Variants in GPHN observed in about 807,000 individuals in gnomAD.
The protein encoded by GPHN is gephyrin.
GPHN carries 17 observed loss-of-function variants against 95.5 expected under a neutral mutation model. The observed-to-expected ratio is 0.18, with a 90% confidence interval of 0.12 to 0.27. GPHN has a LOEUF of 0.27. GPHN is among the 10% of genes least tolerant of loss of function. The pLI is 1.00. For missense variants in GPHN, 660 were observed against 978.1 expected, an observed-to-expected ratio of 0.67 and a Z score of 4.34; for synonymous variants, 320 against 322.5, an observed-to-expected ratio of 0.99 and a Z score of 0.08.
chr14:67,492,824 G>A, the GPHN span, among the ~76,000 whole-genome samples: 31 of 152,212 alleles, frequency 2.0e-4, no homozygotes, highest in Non-Finnish European at 3.8e-4. Context: ...ACCCAGTGAA[G>A]GCCAGGTACT....
intron 19 of GPHN, among the ~76,000 whole-genome samples, chr14:67,162,221 A>C (rs2082020531): frequency 6.6e-6 from 1 of 152,254 alleles, no homozygotes; most frequent in African/African-American, 2.4e-5. Context: ...AAGATTGCTT[A>C]AATTGGCCCT....
chr14:66,598,162 G>GA (rs1363444814), intron 1 of GPHN, among the ~76,000 whole-genome samples: 1 of 152,054 alleles, frequency 6.6e-6, no homozygotes, highest in Non-Finnish European at 1.5e-5. Context: ...TTAAAAGACA[G>GA]AAAAATTTAT....
intron 18 of GPHN, among the ~76,000 whole-genome samples, chr14:67,153,636 T>G (rs2081413434): frequency 6.6e-6 from 1 of 152,224 alleles, no homozygotes; most frequent in African/African-American, 2.4e-5. Context: ...TCAGTTTCAT[T>G]GCTGTAAAAT....
chr14:67,234,509 G>T, the GPHN span, among the ~76,000 whole-genome samples: 1 of 152,158 alleles, frequency 6.6e-6, no homozygotes, highest in Non-Finnish European at 1.5e-5. Context: ...CAAGTTGAGT[G>T]AGTTCAAGAG....
intron 17 of GPHN, among the ~76,000 whole-genome samples, chr14:67,128,522 C>T (rs1212888106): frequency 1.3e-5 from 2 of 152,170 alleles, no homozygotes; most frequent in Admixed American, 1.3e-4. Context: ...ACTGAACAAA[C>T]ATATATTTAT....
At chr14:67,671,532 AC>A in the GPHN span, among the ~76,000 whole-genome samples, 1 of 152,200 alleles carries the variant, frequency 6.6e-6, no homozygotes, top group African/African-American at 2.4e-5. Context: ...TCTCAAAAAA[AC>A]AAAAAAAAGA....
the GPHN span, among the ~76,000 whole-genome samples, chr14:67,358,096 G>A: frequency 6.6e-6 from 1 of 152,038 alleles, no homozygotes; most frequent in Admixed American, 6.5e-5. Flanking sequence ...CATTTTAATG[G>A]CGGGGGCGGC....
chr14:67,619,945 C>T, the GPHN span: 2 of 1,451,448 alleles, frequency 1.4e-6, no homozygotes, highest in Non-Finnish European at 1.9e-6. Context: ...CCGCGCGGAG[C>T]CTCTGCCTTG....
chr14:66,571,461 G>A (rs1392073828), intron 1 of GPHN, among the ~76,000 whole-genome samples: 1 of 152,108 alleles, frequency 6.6e-6, no homozygotes, highest in Non-Finnish European at 1.5e-5. Context: ...TGTTGATCAT[G>A]TACCTTGCTG....
chr14:67,657,615 C>CCT, the GPHN span, among the ~76,000 whole-genome samples: 1 of 151,110 alleles, frequency 6.6e-6, no homozygotes, highest in African/African-American at 2.5e-5. Context: ...CACACACACA[C>CCT]ACACACACCC....
intron 5 of GPHN, among the ~76,000 whole-genome samples, chr14:66,895,057 A>G (rs994588734): frequency 2.6e-5 from 4 of 152,200 alleles, no homozygotes; most frequent in African/African-American, 4.8e-5. Flanking sequence ...GCACATGCAC[A>G]CATATGTTTA....
chr14:67,545,093 C>T, the GPHN span, among the ~76,000 whole-genome samples: 1 of 152,200 alleles, frequency 6.6e-6, no homozygotes, highest in Admixed American at 6.5e-5. Context: ...CTTTCTTTCT[C>T]ATGTAACCTT....
At chr14:67,691,386 T>G in the GPHN span, 3 of 615,642 alleles carry the variant, frequency 4.9e-6, no homozygotes. Context: ...TATTTTCTAT[T>G]GTTTTTCATT....
the GPHN span, among the ~76,000 whole-genome samples, chr14:67,712,384 T>C: frequency 1.3e-5 from 2 of 151,810 alleles, no homozygotes; most frequent in African/African-American, 4.8e-5. Context: ...AATAAAGACA[T>C]TTCTAAGTGT....
chr14:67,096,295 G>A (rs1353871803), intron 12 of GPHN, among the ~76,000 whole-genome samples: 2 of 152,076 alleles, frequency 1.3e-5, no homozygotes, highest in East Asian at 3.9e-4. Flanking sequence ...CCTTAGAATC[G>A]CTTCAGAGTA....
the GPHN span, among the ~76,000 whole-genome samples, chr14:67,551,288 CA>C: frequency 6.6e-6 from 1 of 152,160 alleles, no homozygotes; most frequent in East Asian, 1.9e-4. Context: ...GTGAGCATCA[CA>C]CTGTCCCGGC....
intron 1 of GPHN, among the ~76,000 whole-genome samples, chr14:66,569,192 G>A (rs1450054039): frequency 1.3e-5 from 2 of 152,120 alleles, no homozygotes; most frequent in Admixed American, 6.5e-5. Context: ...TGTTTTTCAT[G>A]CAACCTTAAA....
At chr14:66,876,975 G>T (rs2063697042) in intron 4 of GPHN, among the ~76,000 whole-genome samples, 1 of 152,044 alleles carries the variant, frequency 6.6e-6, no homozygotes, top group Admixed American at 6.6e-5. Flanking sequence ...CGAGGAACAT[G>T]GATGCATAAA....
At chr14:67,391,297 G>T in the GPHN span, among the ~76,000 whole-genome samples, 2 of 151,302 alleles carry the variant, frequency 1.3e-5, no homozygotes, top group South Asian at 4.2e-4. Context: ...GTGTGTGTGT[G>T]TGTGTGTGAC....
Sources: allele counts gnomAD v4.1 joint callset (sites outside exome capture counted in the v4.1 genomes callset), GRCh38; gene constraint gnomAD v4.1.1; transcripts MANE v1.5; gene names NCBI Gene and HGNC (gene_info 2026-07-23, HGNC 2026-07-21).